The following SLC13A1 variants were observed in gnomAD, a reference collection of about 807,000 sequenced individuals.
SLC13A1 encodes the protein Na(+)/sulfate cotransporter.
Under a neutral mutation model 70.0 loss-of-function variants are expected in SLC13A1, and 65 were observed. The observed-to-expected ratio is 0.93, with a 90% CI of 0.76 to 1.14. SLC13A1 has a LOEUF of 1.14. Among genes scored for constraint, SLC13A1 ranks in the 50% most tolerant of loss-of-function variants. The pLI is 0.00. For missense variants in SLC13A1, 726 were observed against 717.8 expected, an observed-to-expected ratio of 1.01 and a Z score of -0.13; for synonymous variants, 275 against 250.5, an observed-to-expected ratio of 1.10 and a Z score of -0.92.
At chr7:123,136,350 AC>A (rs1563324836) in intron 7 of SLC13A1, among the ~76,000 whole-genome samples, 1 of 152,228 alleles carries the variant, frequency 6.6e-6, no homozygotes, top group Non-Finnish European at 1.5e-5. Context: ...ATAAACAACC[AC>A]ATGGGACTAT....
At chr7:123,159,849 A>G (rs909931401) in intron 6 of SLC13A1, among the ~76,000 whole-genome samples, 8 of 152,188 alleles carry the variant, frequency 5.3e-5, no homozygotes, top group African/African-American at 1.7e-4. Flanking sequence ...CAAACATAAT[A>G]AAAGAGATAC....
At chr7:123,148,612 G>T in intron 6 of SLC13A1, 1 of 340,094 alleles carries the variant, frequency 2.9e-6, no homozygotes, top group South Asian at 2.2e-5. Flanking sequence ...AACTTTTCCG[G>T]TCATTTCATT....
rs998621511 is a variant in SLC13A1, at chr7:123,147,220, C to A, written c.751G>T (p.Gly251Cys). ...CLCIAYSSTI[G>C]GLTTITGTST... Reference sequence around the variant, plus strand: ...GTACCAGTGATTGTTGTCAGTCCACCAATGGTAGAAGAGTAGGCAATGCAC... The same window carrying A: ...GTACCAGTGATTGTTGTCAGTCCACAAATGGTAGAAGAGTAGGCAATGCAC... Residue 251 changes from glycine to cysteine, a missense_variant, in exon 7 of 15, where the codon GGT (glycine) becomes TGT (cysteine). Transcript: ENST00000194130. 2 of 1,613,542 alleles carry A rather than the reference C, an allele frequency of 1.2e-6. No homozygotes were observed. Among genetic ancestry groups the A allele is most frequent in the Non-Finnish European group, 1.7e-6 (2 of 1,179,818 alleles).
intron 6 of SLC13A1, among the ~76,000 whole-genome samples, chr7:123,152,727 C>A (rs1389774297): frequency 6.6e-6 from 1 of 152,036 alleles, no homozygotes; most frequent in Non-Finnish European, 1.5e-5. Context: ...CTACGCTTCA[C>A]CCAAAATAAA....
intron 10 of SLC13A1, among the ~76,000 whole-genome samples, chr7:123,128,621 T>C (rs1333044450): frequency 1.3e-5 from 2 of 152,190 alleles, no homozygotes; most frequent in Non-Finnish European, 2.9e-5. Flanking sequence ...TAATGGACTT[T>C]GCCTTTCAGT....
At chr7:123,119,949 C>G (rs1014267339) in intron 12 of SLC13A1, among the ~76,000 whole-genome samples, 2 of 152,016 alleles carry the variant, frequency 1.3e-5, no homozygotes, top group East Asian at 1.9e-4. Context: ...GAATAACTAT[C>G]TCATTATTTT....
At chr7:123,187,946 A>G (rs1048635775) in intron 1 of SLC13A1, among the ~76,000 whole-genome samples, 7 of 152,206 alleles carry the variant, frequency 4.6e-5, no homozygotes, top group Admixed American at 6.5e-5. Flanking sequence ...GGAGAAAACT[A>G]GCATCAGAAC....
chr7:123,157,818 G>A (rs1335669517), intron 6 of SLC13A1, among the ~76,000 whole-genome samples: 2 of 152,068 alleles, frequency 1.3e-5, no homozygotes, highest in Admixed American at 6.6e-5. Flanking sequence ...TGCAAGGAGA[G>A]CTTGGTATAA....
chr7:123,146,165 C>T (rs1320905364), intron 7 of SLC13A1, among the ~76,000 whole-genome samples: 1 of 152,162 alleles, frequency 6.6e-6, no homozygotes, highest in Non-Finnish European at 1.5e-5. Context: ...ATAACCCTAT[C>T]AACTGTGACT....
rs1793125292 is a variant in SLC13A1, at chr7:123,114,782, C to A, written c.*736G>T. 1 of 152,062 alleles carries A rather than the reference C, an allele frequency of 6.6e-6. No individual in the cohort carries two copies. The allele number at this position is 152,062 out of a possible 1,614,324, so 9.4% of individuals were successfully genotyped here. A position where few individuals can be genotyped will look rare whatever the true frequency, so the allele number is the denominator to read the frequency against. On this transcript the variant is annotated 3_prime_UTR_variant, in exon 15 of 15. Transcript: ENST00000194130. ...ATCATAGCAAGCCTTATCCATAGCT[C>A]TACAAAATGAATTTCTCAGTGTGCC...
At chr7:123,141,921 C>T (rs976145036) in intron 7 of SLC13A1, among the ~76,000 whole-genome samples, 1 of 152,078 alleles carries the variant, frequency 6.6e-6, no homozygotes, top group Non-Finnish European at 1.5e-5. Flanking sequence ...AGTCCACTTA[C>T]ATTCAATGTT....
intron 10 of SLC13A1, among the ~76,000 whole-genome samples, chr7:123,127,289 C>T (rs900544450): frequency 2.0e-5 from 3 of 152,086 alleles, no homozygotes; most frequent in Non-Finnish European, 4.4e-5. Flanking sequence ...CAATACACTG[C>T]TTTCCTGCTA....
intron 6 of SLC13A1, among the ~76,000 whole-genome samples, chr7:123,161,937 A>C (rs1331858120): frequency 6.6e-6 from 1 of 152,070 alleles, no homozygotes; most frequent in Non-Finnish European, 1.5e-5. Flanking sequence ...TATTCTTCAA[A>C]ATATTTAGTC....
Position 123,156,589 on chromosome 7 carries a change from A to C in SLC13A1, c.661-9279T>G, listed in dbSNP as rs79438449. On this transcript the variant is annotated intron_variant, in intron 6 of 14. Transcript: ENST00000194130. The stretch of plus-strand genomic sequence containing the variant: ...AAAGATCCTCAGTTAAGTTAATAAC[A>C]GATTATGTTATTTAATTAAACCAGC... 1.5e-3 allele frequency among the ~76,000 whole-genome samples: 235 copies of C among 152,274 alleles called. 1 individual carries two copies. The highest frequency in any genetic ancestry group is 5.3e-3 in the African/African-American group (220 of 41,560).
intron 6 of SLC13A1, among the ~76,000 whole-genome samples, chr7:123,150,887 C>T (rs924926698): frequency 6.6e-6 from 1 of 151,962 alleles, no homozygotes; most frequent in Non-Finnish European, 1.5e-5. Context: ...TGTCACAGGC[C>T]CTTGTCTCTC....
At chr7:123,158,646 C>G (rs1794788183) in intron 6 of SLC13A1, among the ~76,000 whole-genome samples, 1 of 151,248 alleles carries the variant, frequency 6.6e-6, no homozygotes, top group Non-Finnish European at 1.5e-5. Flanking sequence ...AATTCTATCA[C>G]ACACACACAC....
chr7:123,119,120 T>C lies in SLC13A1; in HGVS notation c.1473A>G (p.Pro491=). Reference sequence around the variant, plus strand: ...TTGGGAGAAAGAGTGTAATGGTAGCTGGATTGCTGGCTACCTCAGTTAAAG... The same window carrying C: ...TTGGGAGAAAGAGTGTAATGGTAGCCGGATTGCTGGCTACCTCAGTTAAAG... ...VTSLTEVASN[P]ATITLFLPIL... The change falls in exon 13 of 15, where the codon CCA becomes CCG. Residue 491 remains proline, a synonymous_variant. Transcript: ENST00000194130. 1 of 1,612,670 alleles carries C rather than the reference T, an allele frequency of 6.2e-7. No individual in the cohort carries two copies. The highest frequency in any genetic ancestry group is 8.5e-7 in the Non-Finnish European group (1 of 1,179,118).
intron 1 of SLC13A1, among the ~76,000 whole-genome samples, chr7:123,195,716 T>C (rs528652835): frequency 1.0e-3 from 159 of 152,168 alleles, no homozygotes; most frequent in African/African-American, 3.6e-3. Flanking sequence ...AGTTAGAATA[T>C]AAAATATTTT....
At chr7:123,183,629 C>T (rs752244062) in intron 1 of SLC13A1, among the ~76,000 whole-genome samples, 2 of 152,260 alleles carry the variant, frequency 1.3e-5, no homozygotes, top group African/African-American at 4.8e-5. Context: ...GAACCAGCAG[C>T]GTCAGCATAA....
Sources: gnomAD v4.1 joint callset for allele counts (sites outside exome capture counted in the v4.1 genomes callset) on GRCh38, gnomAD v4.1.1 for gene constraint, MANE v1.5 for transcripts, NCBI Gene and HGNC (gene_info 2026-07-23, HGNC 2026-07-21) for gene names.